APLP1: variants seen among roughly 807,000 people sequenced by gnomAD.
APLP1 encodes the protein amyloid beta (A4) precursor-like protein 1.
In APLP1, 46 loss-of-function variants were observed where a neutral mutation model predicts 84.5. The ratio of observed to expected loss-of-function variants is 0.54; its 90% CI spans 0.43 to 0.70. The LOEUF is 0.70. Ranked by LOEUF, APLP1 falls within the 30% of genes least tolerant of loss-of-function variation. The probability of loss-of-function intolerance (pLI) is 0.00; values close to 1 mark genes in which losing one functional copy is unlikely to be tolerated. For missense variants in APLP1, 826 were observed against 900.2 expected, an observed-to-expected ratio of 0.92 and a Z score of 1.05; for synonymous variants, 376 against 364.0, an observed-to-expected ratio of 1.03 and a Z score of -0.38.
chr19:35,872,460 C>A, intron 6 of APLP1, 23 bp from the exon 7 acceptor site: 1 of 1,607,648 alleles, frequency 6.2e-7, no homozygotes, highest in South Asian at 1.1e-5. Flanking sequence ...TGCAGACTGA[C>A]CTCCTGATCC....
At chr19:35,877,890 C>T in intron 12 of APLP1, 65 bp downstream of exon 12, 3 of 1,428,706 alleles carry the variant, frequency 2.1e-6, no homozygotes, top group Admixed American at 2.1e-5. Context: ...AATTTGTAAT[C>T]CCCTAGAGTC....
intron 3 of APLP1, 56 bp from the exon 4 acceptor site, chr19:35,871,181 A>T (rs562269547): frequency 6.4e-7 from 1 of 1,572,020 alleles, no homozygotes; most frequent in East Asian, 2.3e-5. Flanking sequence ...GATTCTGAGG[A>T]GGGTGGGGTT....
At position 35,871,223 on chromosome 19, in the gene APLP1, C is replaced by T. The variant is rs1974137250; in HGVS notation, c.425-14C>T. On this transcript the variant is annotated splice_polypyrimidine_tract_variant and intron_variant, in intron 3 of 16. Transcript: ENST00000221891. ...TATAGGAGGATCTCACCCTGGTGTC[C>T]CGTGCTTCCCCAGCTGGTGAATTTG... The T allele has an allele frequency of 1.2e-6, 2 of 1,610,332 alleles. No homozygotes were observed. The highest frequency in any genetic ancestry group is 1.7e-6 in the Non-Finnish European group (2 of 1,178,004).
chr19:35,875,188 G>T (rs991353272), intron 10 of APLP1, among the ~76,000 whole-genome samples: 54 of 141,236 alleles, frequency 3.8e-4, no homozygotes, highest in Middle Eastern at 3.6e-3. Flanking sequence ...TTTGAGACAG[G>T]TTCTTGCTCT....
Position 35,878,587 on chromosome 19 carries a change from C to T in APLP1, c.1583C>T (p.Ser528Phe). The change falls in exon 14 of 17, where the codon TCC becomes TTC. Residue 528 changes from serine (S) to phenylalanine (F), a missense_variant. By Grantham distance (155) the Ser-to-Phe change is radical. Coordinates refer to ENST00000221891, the MANE Select transcript of APLP1 (RefSeq NM_001024807.3). ...ADTPMTLPKG[S>F]TEQDAASPEK... ...ATGAGATCAGACTTGGGGGTAGGGT[C>T]CACAGAACAAGATGCTGCATCCCCT... 1 of 1,613,716 alleles carries T rather than the reference C, an allele frequency of 6.2e-7. No homozygotes were observed. Among genetic ancestry groups the T allele is most frequent in the South Asian group, 1.1e-5 (1 of 91,048 alleles).
At chr19:35,873,532 C>A in intron 7 of APLP1, 107 bp from the exon 8 acceptor site, 1 of 1,092,134 alleles carries the variant, frequency 9.2e-7, no homozygotes, top group South Asian at 1.3e-5. Flanking sequence ...CAGGCATGAG[C>A]CACTGCGCCC....
chr19:35,878,731 G>A (rs62109664), intron 14 of APLP1, 77 bp downstream of exon 14: 2 of 1,570,436 alleles, frequency 1.3e-6, no homozygotes, highest in Non-Finnish European at 1.8e-6. Context: ...GGGAGGAGAT[G>A]CTGGGGGCTT....
In APLP1 at chr19:35,870,969, G is replaced by A. The variant is rs1329940464; in HGVS notation, c.365G>A (p.Gly122Asp). ...QAIPMERWCG[G>D]SRSGSCAHPH... ...ATCCCCATGGAGCGCTGGTGCGGGG[G>A]TTCCCGGAGCGGCAGCTGCGCCCAC... The change falls in exon 3 of 17, where the codon GGT (glycine) becomes GAT (aspartate). Residue 122 changes from glycine (G) to aspartate (D), a missense_variant. By Grantham distance (94) the Gly-to-Asp change is moderately conservative (BLOSUM62 -1). Transcript: ENST00000221891. 5.1e-6 allele frequency: 8 copies of A among 1,581,186 alleles called. 1 individual carries two copies. In the South Asian group the frequency reaches 8.1e-5, roughly 16 times the overall value.
chr19:35,871,489 C>G, intron 4 of APLP1, 123 bp from the exon 5 acceptor site: 2 of 1,413,280 alleles, frequency 1.4e-6, no homozygotes, highest in South Asian at 2.5e-5. Context: ...ATCCCCCAAC[C>G]CCTTCCTCTA....
chr19:35,871,472 G>T, intron 4 of APLP1, 123 bp downstream of exon 4: 8 of 1,373,406 alleles, frequency 5.8e-6, no homozygotes, highest in Non-Finnish European at 8.1e-6. Context: ...TGGGATCTAA[G>T]AATTTCATCC....
rs368919721 is a variant in APLP1 at position 35,869,708 on chromosome 19, A to G, written c.189A>G (p.Leu63=). The part of the protein sequence containing the change: ...SAQVAGLCGR[L]TLHRDLRTGR... The stretch of plus-strand genomic sequence containing the variant: ...AGGTGGCTGGACTATGCGGGCGCCT[A>G]ACCCTTCACCGGGACCTGCGCACCG... The change falls in exon 2 of 17, where the codon CTA becomes CTG. Residue 63 remains leucine, a synonymous_variant. Coordinates refer to ENST00000221891, the MANE Select transcript of APLP1 (RefSeq NM_001024807.3). The G allele has an allele frequency of 6.2e-7, 1 of 1,611,972 alleles. No homozygotes were observed. The highest frequency in any genetic ancestry group is 1.3e-5 in the African/African-American group (1 of 74,888).
intron 13 of APLP1, 90 bp downstream of exon 13, chr19:35,878,198 AC>A (rs35975906): frequency 7.2e-7 from 1 of 1,383,048 alleles, no homozygotes; most frequent in Non-Finnish European, 1.0e-6. Context: ...GGAACCTCAG[AC>A]CCCCTGGGGT....
chr19:35,872,500 C>T lies in APLP1; in HGVS notation c.868C>T (p.Pro290Ser). Residue 290 changes from proline to serine, a missense_variant, in exon 7 of 17, where the codon CCC becomes TCC. Pro to Ser is a moderately conservative substitution (Grantham distance 74). Transcript: ENST00000221891. ...TCTTGCAGTCACTCCCACCCCGAGG[C>T]CCACAGACGGTGTGGATATTTACTT... ...VVGKVTPTPR[P>S]TDGVDIYFGM... 2 of 1,613,254 alleles carry T rather than the reference C, an allele frequency of 1.2e-6. No homozygotes were observed. Among genetic ancestry groups the T allele is most frequent in the African/African-American group, 1.3e-5 (1 of 74,996 alleles).
intron 16 of APLP1, 54 bp from the exon 17 acceptor site, chr19:35,879,289 C>T (rs1231671440): frequency 7.5e-6 from 12 of 1,608,698 alleles, no homozygotes; most frequent in Non-Finnish European, 1.0e-5. Context: ...GAGAGACTTG[C>T]GGGCAGTCCC....
rs1568478662 is a variant in APLP1 at position 35,879,350 on chromosome 19, CCATG to C, written c.1867_1870del (p.Met623Ter). 6.2e-7 allele frequency: 1 copy of C among 1,613,942 alleles called. No homozygotes were observed. Among genetic ancestry groups the C allele is most frequent in the South Asian group, 1.1e-5 (1 of 91,078 alleles). ...CTCCCCTGCTCGTTGCAGGTGGACC[CCATG>C]CTGACCCTGGAGGAGCAGCAGCTCC... On this transcript the variant is annotated frameshift_variant, in exon 17 of 17. Coordinates refer to ENST00000221891, the MANE Select transcript of APLP1 (RefSeq NM_001024807.3). LOFTEE classifies it high-confidence loss of function.
rs1974233357 is a variant in APLP1, at chr19:35,874,525, A to G, written c.1078A>G (p.Thr360Ala). The change falls in exon 9 of 17, where the codon ACT (threonine) becomes GCT (alanine). Residue 360 changes from threonine to alanine, a missense_variant. Around this residue, in one of 3 missense-constraint regions of APLP1, gnomAD observed 433 missense variants for 496.5 expected, o/e 0.87. Coordinates refer to ENST00000221891, the MANE Select transcript of APLP1 (RefSeq NM_001024807.3). This position sits in a 1 kb window ranked among gnomAD's most constrained non-coding sequence, Gnocchi z 6.4. ...LNEHFQSILQTLEEQVSGERQ... is the reference protein window; with the variant it reads ...LNEHFQSILQALEEQVSGERQ... ...CCAGCACTTCCAGTCCATTCTGCAG[A>G]CTCTGGAGGAGCAGGTGTCTGGTGA... 1.9e-6 allele frequency: 3 copies of G among 1,613,976 alleles called. No individual in the cohort carries two copies. The highest frequency in any genetic ancestry group is 2.5e-6 in the Non-Finnish European group (3 of 1,179,996).
intron 7 of APLP1, 127 bp downstream of exon 7, chr19:35,872,740 C>A (rs2146906138): frequency 3.0e-6 from 3 of 990,248 alleles, no homozygotes; most frequent in East Asian, 5.7e-5. Context: ...GAGCTCTCAA[C>A]ACCACCCCCT....
In APLP1 at chr19:35,873,692, C is replaced by G. The variant is rs565592931; in HGVS notation, c.1035C>G (p.Ala345=). The change falls in exon 8 of 17, where the codon GCC becomes GCG. Residue 345 remains alanine (A), a synonymous_variant. Transcript: ENST00000221891. The stretch of plus-strand genomic sequence containing the variant: ...ACCAGTCCAAGAACCTGCCTAAAGC[C>G]GACAGACAGGCCCTGAATGAGGTAG... ...ADNQSKNLPK[A]DRQALNEHFQ... 1.9e-6 allele frequency: 3 copies of G among 1,613,956 alleles called. 1 individual carries two copies. In the South Asian group the frequency reaches 3.3e-5, roughly 18 times the overall value.
chr19:35,869,427 C>T, intron 1 of APLP1: 1 of 664,930 alleles, frequency 1.5e-6, no homozygotes, highest in Non-Finnish European at 2.6e-6. Context: ...CGGAGTCTGT[C>T]TCCGCGGCAA....
Sources: allele counts gnomAD v4.1 joint callset (sites outside exome capture counted in the v4.1 genomes callset), GRCh38; gene constraint gnomAD v4.1.1; regional missense constraint gnomAD v4.1.1; non-coding constraint Gnocchi (gnomAD v3.1); transcripts MANE v1.5; gene names NCBI Gene and HGNC (gene_info 2026-07-23, HGNC 2026-07-21).